NFYC: variants seen among roughly 807,000 people sequenced by gnomAD.
NFYC encodes nuclear transcription factor Y subunit gamma.
In NFYC, 25 loss-of-function variants were observed where a neutral mutation model predicts 53.1. The ratio of observed to expected loss-of-function variants is 0.47; its 90% CI spans 0.34 to 0.66. NFYC has a LOEUF of 0.66. Among genes scored for constraint, NFYC ranks in the 30% least tolerant of loss-of-function variants. The pLI is 0.01. For missense variants in NFYC, 260 were observed against 422.7 expected (o/e 0.62, Z 3.38); for synonymous variants, 145 against 152.6 (o/e 0.95, Z 0.37).
At position 40,753,303 on chromosome 1, in the gene NFYC, G is replaced by C. The variant is rs1190815105; in HGVS notation, c.387+57G>C. The C allele has an allele frequency of 8.7e-6, 10 of 1,149,392 alleles. No homozygotes were observed. In the Admixed American group the frequency reaches 1.4e-4, roughly 16 times the overall value. The allele number at this position is 1,149,392 out of a possible 1,614,324, so 71.2% of individuals were successfully genotyped here. ...ACTGAAGAGCGCTTTGTATACTGGTGTCAGATACGCTCCTTCTCTCTCAGC... is the reference window on the plus strand; with the variant it reads ...ACTGAAGAGCGCTTTGTATACTGGTCTCAGATACGCTCCTTCTCTCTCAGC... On this transcript the variant is annotated intron_variant, in intron 5 of 9. Coordinates refer to ENST00000447388, the MANE Select transcript of NFYC (RefSeq NM_014223.5).
chr1:40,740,780 TG>T (rs1335890038), intron 2 of NFYC, among the ~76,000 whole-genome samples: 1 of 152,176 alleles, frequency 6.6e-6, no homozygotes, highest in East Asian at 1.9e-4. Context: ...AATGCTGTCC[TG>T]GGGTGTGGTG....
intron 6 of NFYC, among the ~76,000 whole-genome samples, chr1:40,762,435 A>G (rs923349493): frequency 3.3e-5 from 5 of 152,248 alleles, no homozygotes; most frequent in African/African-American, 1.2e-4. Context: ...TACATGCCTA[A>G]GAAAGAGCAC....
intron 1 of NFYC, among the ~76,000 whole-genome samples, chr1:40,731,471 CCTTT>C (rs1644767299): frequency 6.7e-6 from 1 of 150,284 alleles, no homozygotes; most frequent in South Asian, 2.1e-4. Flanking sequence ...CCGCACCTGG[CCTTT>C]CTTTTTCTTT....
chr1:40,694,758 A>C (rs145063872), intron 1 of NFYC, among the ~76,000 whole-genome samples: 1 of 152,134 alleles, frequency 6.6e-6, no homozygotes, highest in African/African-American at 2.4e-5. Context: ...AAGATCTGGA[A>C]TTGACCACTC....
At chr1:40,762,717 C>G (rs1187280059) in intron 6 of NFYC, among the ~76,000 whole-genome samples, 171 bp from the exon 7 acceptor site, 2 of 152,144 alleles carry the variant, frequency 1.3e-5, no homozygotes, top group Non-Finnish European at 2.9e-5. Flanking sequence ...AGAGTAACTT[C>G]AGCAATGCTG....
At chr1:40,756,059 T>G (rs1469334261) in intron 5 of NFYC, among the ~76,000 whole-genome samples, 1 of 152,182 alleles carries the variant, frequency 6.6e-6, no homozygotes, top group Non-Finnish European at 1.5e-5. Flanking sequence ...TACCCTCTCA[T>G]TACCCAAGAG....
At chr1:40,766,840 C>A in intron 8 of NFYC, 137 bp downstream of exon 8, 2 of 1,505,548 alleles carry the variant, frequency 1.3e-6, no homozygotes, top group African/African-American at 1.4e-5. Context: ...CCCTCCATAT[C>A]CTTCTGCACC....
intron 5 of NFYC, among the ~76,000 whole-genome samples, chr1:40,756,887 A>G (rs1392955935): frequency 6.6e-6 from 1 of 152,248 alleles, no homozygotes; most frequent in Non-Finnish European, 1.5e-5. Flanking sequence ...TTAACATTTT[A>G]GTAGAACAGA....
intron 3 of NFYC, 92 bp downstream of exon 3, chr1:40,747,697 C>G: frequency 1.2e-6 from 1 of 806,412 alleles, no homozygotes; most frequent in South Asian, 1.7e-5. Flanking sequence ...TTTAATTAAA[C>G]AAGAACACAC....
intron 3 of NFYC, among the ~76,000 whole-genome samples, chr1:40,749,333 T>G (rs950108414): frequency 6.6e-6 from 1 of 152,180 alleles, no homozygotes; most frequent in African/African-American, 2.4e-5. Context: ...AAGGCTATTA[T>G]AAGAGTAAGA....
chr1:40,759,307 G>A (rs188901867), intron 6 of NFYC, among the ~76,000 whole-genome samples: 186 of 152,090 alleles, frequency 1.2e-3, no homozygotes, highest in Middle Eastern at 3.4e-3. Context: ...GGCCGAGGCA[G>A]GAGGATTGCT....
chr1:40,693,921 T>C (rs1000820906), intron 1 of NFYC, among the ~76,000 whole-genome samples: 9 of 152,226 alleles, frequency 5.9e-5, no homozygotes, highest in Non-Finnish European at 1.0e-4. Context: ...ATAGAGAATA[T>C]GGGTTCTTCA....
intron 1 of NFYC, among the ~76,000 whole-genome samples, chr1:40,731,392 C>G (rs1644762692): frequency 6.6e-6 from 1 of 152,012 alleles, no homozygotes; most frequent in African/African-American, 2.4e-5. Flanking sequence ...CCAGGCTGGT[C>G]TTGAACTCCT....
At position 40,753,301 on chromosome 1, in the gene NFYC, G is replaced by T. The variant is rs148176307; in HGVS notation, c.387+55G>T. 6.5e-4 allele frequency: 769 copies of T among 1,188,390 alleles called. 13 individuals carry two copies. In the East Asian group the frequency reaches 0.016, roughly 25 times the overall value. 73.6% of individuals were successfully genotyped at this position (1,188,390 alleles called of 1,614,324 possible). ...TGACTGAAGAGCGCTTTGTATACTG[G>T]TGTCAGATACGCTCCTTCTCTCTCA... is the stretch of plus-strand genomic sequence containing the variant. On this transcript the variant is annotated intron_variant, in intron 5 of 9. Transcript: ENST00000447388.
intron 1 of NFYC, among the ~76,000 whole-genome samples, chr1:40,698,496 G>C (rs952660829): frequency 6.6e-6 from 1 of 151,474 alleles, no homozygotes. Flanking sequence ...ACATGACCTC[G>C]GCTCACTGCA....
intron 2 of NFYC, among the ~76,000 whole-genome samples, chr1:40,741,370 G>C (rs1159204948): frequency 6.6e-6 from 1 of 152,272 alleles, no homozygotes; most frequent in East Asian, 1.9e-4. Context: ...GCTAATGTAA[G>C]TGTTCTGAGC....
intron 1 of NFYC, among the ~76,000 whole-genome samples, chr1:40,736,384 ATTCTGCTGTGATAGAGTG>A (rs1023489360): frequency 2.6e-5 from 4 of 152,190 alleles, no homozygotes; most frequent in African/African-American, 9.7e-5. Flanking sequence ...CTTTCATTCC[ATTCTGCTGTGATAGAGTG>A]TTCTGCCCAG....
chr1:40,747,666 T>C (rs2148663369), intron 3 of NFYC, 61 bp downstream of exon 3: 3 of 1,094,294 alleles, frequency 2.7e-6, no homozygotes, highest in African/African-American at 3.1e-5. Context: ...AGGTTATTGC[T>C]CATTTCTCTA....
intron 8 of NFYC, chr1:40,767,090 A>G: frequency 9.6e-7 from 1 of 1,041,356 alleles, no homozygotes; most frequent in Non-Finnish European, 1.4e-6. Flanking sequence ...CTCTTTGGAA[A>G]GCTTACTTAG....
Sources: allele counts gnomAD v4.1 joint callset (sites outside exome capture counted in the v4.1 genomes callset), GRCh38; gene constraint gnomAD v4.1.1; transcripts MANE v1.5; gene names NCBI Gene and HGNC (gene_info 2026-07-23, HGNC 2026-07-21).